Variants in CAND2 observed in about 807,000 individuals in gnomAD.
CAND2 encodes cullin-associated NEDD8-dissociated protein 2.
In CAND2, 62 loss-of-function variants were observed where a neutral mutation model predicts 98.9. The ratio of observed to expected loss-of-function variants is 0.63; its 90% CI spans 0.51 to 0.77. The LOEUF (loss-of-function observed/expected upper bound fraction) is 0.77, where lower values mean the gene tolerates loss of function less well. CAND2 is among the 30% of genes least tolerant of loss of function. The probability of loss-of-function intolerance (pLI) is 0.00; values close to 1 mark genes in which losing one functional copy is unlikely to be tolerated. For synonymous variants in CAND2, 770 were observed against 731.9 expected, an observed-to-expected ratio of 1.05 and a Z score of -0.84; for missense variants, 1,501 against 1,655.2, an observed-to-expected ratio of 0.91 and a Z score of 1.62.
chr3:12,816,990 C>T lies in CAND2; in HGVS notation c.2058C>T (p.Ser686=), dbSNP rs1236882984. 14 of 1,612,918 alleles carry T rather than the reference C, an allele frequency of 8.7e-6. No individual in the cohort carries two copies. Among genetic ancestry groups the T allele is most frequent in the Non-Finnish European group, 1.2e-5 (14 of 1,179,892 alleles). ...LDALAQSQGL[S]LPPSAVQAVL... Reference sequence around the variant, plus strand: ...CCCTGGCCCAGAGCCAGGGCCTCAGCCTCCCACCGTCTGCCGTGCAGGCCG... The same window carrying T: ...CCCTGGCCCAGAGCCAGGGCCTCAGTCTCCCACCGTCTGCCGTGCAGGCCG... The change falls in exon 10 of 15, where the codon AGC becomes AGT. Residue 686 remains serine, a synonymous_variant. Transcript: ENST00000456430.
chr3:12,809,406 C>A lies in CAND2; in HGVS notation c.492-653C>A, dbSNP rs118074765. 3.4e-4 allele frequency among the ~76,000 whole-genome samples: 52 copies of A among 152,170 alleles called. No individual in the cohort carries two copies. The East Asian group carries it at 8.5e-3, about 25-fold the overall frequency. On this transcript the variant is annotated intron_variant, in intron 4 of 14. Transcript: ENST00000456430. ...AGGTGAACAGGCAAACAAATGAAAC[C>A]TAGGAGAGGGGGTTGGGTAGGACAT...
At chr3:12,826,314 C>T (rs550288690) in intron 12 of CAND2, among the ~76,000 whole-genome samples, 25 of 152,314 alleles carry the variant, frequency 1.6e-4, no homozygotes, top group South Asian at 8.3e-4. Context: ...TAAGTTTGAG[C>T]TGTGGAATAC....
chr3:12,809,610 G>A lies in CAND2; in HGVS notation c.492-449G>A, dbSNP rs3856811. Among the ~76,000 whole-genome samples the A allele has an allele frequency of 1.8e-3, 272 of 152,198 alleles. 1 individual carries two copies. The highest frequency in any genetic ancestry group is 6.1e-3 in the African/African-American group (254 of 41,534). ...ATTGTCTGGTGTTGCCTCTTGTCTTGAGCCCAGAGCTCAGCATCTCCAAAG... is the reference window on the plus strand; with the variant it reads ...ATTGTCTGGTGTTGCCTCTTGTCTTAAGCCCAGAGCTCAGCATCTCCAAAG... On this transcript the variant is annotated intron_variant, in intron 4 of 14. Coordinates refer to ENST00000456430, the MANE Select transcript of CAND2 (RefSeq NM_001162499.2).
chr3:12,815,356 C>G lies in CAND2; in HGVS notation c.1222C>G (p.Gln408Glu). Reference protein sequence around the residue: ...TAYIVLLRQTQPPKGWLEAME... With the variant: ...TAYIVLLRQTEPPKGWLEAME... ...TTACATCGTGCTGCTGCGGCAAACA[C>G]AGCCCCCGAAGGGATGGCTGGAGGC... is the stretch of plus-strand genomic sequence containing the variant. The change falls in exon 8 of 15, where the codon CAG (glutamine) becomes GAG (glutamate). Residue 408 changes from glutamine (Q) to glutamate (E), a missense_variant. Transcript: ENST00000456430. The surrounding 1 kb of genome is among the most constrained non-coding windows in gnomAD (Gnocchi z 5.7). The G allele has an allele frequency of 6.2e-7, 1 of 1,613,968 alleles. No individual in the cohort carries two copies. Among genetic ancestry groups the G allele is most frequent in the Non-Finnish European group, 8.5e-7 (1 of 1,180,032 alleles).
At chr3:12,804,655 C>A (rs1226250401) in intron 2 of CAND2, among the ~76,000 whole-genome samples, 1 of 152,164 alleles carries the variant, frequency 6.6e-6, no homozygotes, top group Non-Finnish European at 1.5e-5. Flanking sequence ...CACACCCACA[C>A]CTGAGAACCA....
intron 12 of CAND2, among the ~76,000 whole-genome samples, chr3:12,827,142 C>T (rs1249390058): frequency 6.6e-6 from 1 of 152,180 alleles, no homozygotes; most frequent in Non-Finnish European, 1.5e-5. Context: ...GTAACATTTA[C>T]TTCTGATGGC....
rs1335743856 is a variant in CAND2 at position 12,810,259 on chromosome 3, C to T, written c.692C>T (p.Pro231Leu). ...RLPGPRVPTS[P>L]TAIRTLIQCL... ...CCCGGCCCGCGGGTGCCCACCAGCC[C>T]GACTGCCATCCGCACCCTGATCCAA... The change falls in exon 5 of 15, where the codon CCG (proline) becomes CTG (leucine). Residue 231 changes from proline (P) to leucine (L), a missense_variant. Around this residue, in one of 3 missense-constraint regions of CAND2, gnomAD observed 1,427 missense variants for 1,545.3 expected, o/e 0.92. Coordinates refer to ENST00000456430, the MANE Select transcript of CAND2 (RefSeq NM_001162499.2). 1.7e-5 allele frequency: 25 copies of T among 1,514,556 alleles called. No homozygotes were observed. The highest frequency in any genetic ancestry group is 2.2e-5 in the Non-Finnish European group (25 of 1,133,592). The allele number at this position is 1,514,556 out of a possible 1,614,324, so 93.8% of individuals were successfully genotyped here. A position where few individuals can be genotyped will look rare whatever the true frequency, so the allele number is the denominator to read the frequency against.
At chr3:12,829,515 A>G (rs73139898) in intron 13 of CAND2, among the ~76,000 whole-genome samples, 22,120 of 152,218 alleles carry the variant, frequency 0.15, 1,956 homozygotes, top group African/African-American at 0.24. Flanking sequence ...AATTAATACA[A>G]AGTAATCAAA....
Position 12,834,756 on chromosome 3 carries a change from A to G in CAND2, c.*774A>G, listed in dbSNP as rs1426696916. The G allele has an allele frequency of 6.6e-6, 1 of 152,210 alleles. No homozygotes were observed. Among genetic ancestry groups the G allele is most frequent in the East Asian group, 1.9e-4 (1 of 5,196 alleles). 9.4% of individuals were successfully genotyped at this position (152,210 alleles called of 1,614,324 possible). A position where few individuals can be genotyped will look rare whatever the true frequency, so the allele number is the denominator to read the frequency against. ...CAAAGAAATACAAGTGGCAGGCCCA[A>G]GTATTTTCTGTGATATCCCAGGTTA... On this transcript the variant is annotated 3_prime_UTR_variant, in exon 15 of 15. Transcript: ENST00000456430.
chr3:12,813,701 T>G (rs1267500160), intron 7 of CAND2, among the ~76,000 whole-genome samples: 1 of 152,226 alleles, frequency 6.6e-6, no homozygotes, highest in African/African-American at 2.4e-5. Context: ...GGAATTGGCA[T>G]AGCTGGGCCT....
At chr3:12,827,699 C>T in intron 13 of CAND2, 95 bp downstream of exon 13, 1 of 1,170,456 alleles carries the variant, frequency 8.5e-7, no homozygotes, top group Non-Finnish European at 1.2e-6. Flanking sequence ...GCTCCCTACT[C>T]CAGGCACCCA....
rs764402937 is a variant in CAND2, at chr3:12,833,922, T to C, written c.3651T>C (p.Phe1217=). Residue 1217 remains phenylalanine, a synonymous_variant, in exon 15 of 15, where the codon TTT becomes TTC. Coordinates refer to ENST00000456430, the MANE Select transcript of CAND2 (RefSeq NM_001162499.2). The part of the protein sequence containing the change: ...IRSNPELAAL[F]ESIQKDSASA... Reference sequence around the variant, plus strand: ...CCAACCCTGAACTTGCTGCCCTCTTTGAAAGCATCCAGAAGGATTCCGCTT... The same window carrying C: ...CCAACCCTGAACTTGCTGCCCTCTTCGAAAGCATCCAGAAGGATTCCGCTT... 43 of 1,614,090 alleles carry C rather than the reference T, an allele frequency of 2.7e-5. No homozygotes were observed. The East Asian group carries it at 9.1e-4, about 34-fold the overall frequency.
chr3:12,825,399 C>A, intron 11 of CAND2, 71 bp from the exon 12 acceptor site: 1 of 1,436,486 alleles, frequency 7.0e-7, no homozygotes, highest in South Asian at 1.3e-5. Context: ...AACCAGATGG[C>A]CGGGGTGGTG....
chr3:12,799,040 A>T (rs1332871038), intron 1 of CAND2, among the ~76,000 whole-genome samples: 1 of 152,212 alleles, frequency 6.6e-6, no homozygotes, highest in Non-Finnish European at 1.5e-5. Flanking sequence ...TCCAGCAGTC[A>T]AAACGAGTAC....
At chr3:12,812,376 A>C (rs13063723) in intron 5 of CAND2, among the ~76,000 whole-genome samples, 3 of 143,488 alleles carry the variant, frequency 2.1e-5, no homozygotes, top group African/African-American at 7.8e-5. Flanking sequence ...GGTGTGTGCC[A>C]CCGTGCCCGG....
chr3:12,807,735 G>T (rs1301994486), intron 3 of CAND2, among the ~76,000 whole-genome samples: 2 of 152,174 alleles, frequency 1.3e-5, no homozygotes, highest in Non-Finnish European at 2.9e-5. Context: ...AATCCTGGAG[G>T]AATCAGCCAC....
At chr3:12,800,987 T>C (rs1015516442) in intron 1 of CAND2, among the ~76,000 whole-genome samples, 1 of 151,858 alleles carries the variant, frequency 6.6e-6, no homozygotes, top group Non-Finnish European at 1.5e-5. Flanking sequence ...CCTCCCAAAG[T>C]GCTGGGATTG....
At chr3:12,805,596 C>T (rs1276817344) in intron 2 of CAND2, among the ~76,000 whole-genome samples, 1 of 152,144 alleles carries the variant, frequency 6.6e-6, no homozygotes, top group Non-Finnish European at 1.5e-5. Context: ...CCAGGATTTT[C>T]TAAAGTGAGT....
At position 12,810,307 on chromosome 3, in the gene CAND2, A is replaced by G; in HGVS notation, c.740A>G (p.Gln247Arg). The G allele has an allele frequency of 1.4e-6, 2 of 1,461,652 alleles. No individual in the cohort carries two copies. The highest frequency in any genetic ancestry group is 9.0e-7 in the Non-Finnish European group (1 of 1,107,216). 90.5% of individuals were successfully genotyped at this position (1,461,652 alleles called of 1,614,324 possible). ...CAATGTTTGGGCAGCGTCGGCCGCC[A>G]GGCCGGCCACCGCCTCGGTAAGGGG... Reference protein sequence around the residue: ...LIQCLGSVGRQAGHRLGAHLD... With the variant: ...LIQCLGSVGRRAGHRLGAHLD... Residue 247 changes from glutamine (Q) to arginine (R), a missense_variant, in exon 5 of 15, where the codon CAG (glutamine) becomes CGG (arginine). Physicochemically the swap from Gln to Arg is conservative, Grantham distance 43. This residue lies in a region of CAND2 where 1,427 missense variants were observed against 1,545.3 expected (regional missense o/e 0.92). Coordinates refer to ENST00000456430, the MANE Select transcript of CAND2 (RefSeq NM_001162499.2).
Sources: gnomAD v4.1 joint callset for allele counts (sites outside exome capture counted in the v4.1 genomes callset) on GRCh38, gnomAD v4.1.1 for gene constraint, gnomAD v4.1.1 regional missense constraint, Gnocchi (gnomAD v3.1) non-coding constraint, MANE v1.5 for transcripts, NCBI Gene and HGNC (gene_info 2026-07-23, HGNC 2026-07-21) for gene names.